Variants in SORD observed in about 807,000 individuals in gnomAD.
The protein encoded by SORD is sorbitol dehydrogenase.
In SORD, 18 loss-of-function variants were observed where a neutral mutation model predicts 35.6. That is an observed-to-expected ratio of 0.51 (90% CI 0.35 to 0.75). SORD has a LOEUF of 0.75. SORD is among the 30% of genes least tolerant of loss of function. The pLI is 0.01. For synonymous variants in SORD, 106 were observed against 152.9 expected (o/e 0.69, Z 2.26); for missense variants, 250 against 390.2 (o/e 0.64, Z 3.03).
At chr15:45,051,888 T>C (rs2470658) in intron 3 of SORD, among the ~76,000 whole-genome samples, 128,813 of 152,158 alleles carry the variant, frequency 0.85, 54,703 homozygotes, top group Middle Eastern at 0.91. Flanking sequence ...GCTCAATTTA[T>C]GTAAAAAACA....
At chr15:45,054,185 G>T (rs1346453806) in intron 3 of SORD, among the ~76,000 whole-genome samples, 2 of 152,200 alleles carry the variant, frequency 1.3e-5, no homozygotes, top group Admixed American at 6.5e-5. Flanking sequence ...AGGTCAAATG[G>T]TATTTCTAGT....
chr15:45,069,879 C>A (rs1354275645), intron 7 of SORD: 1 of 152,180 alleles, frequency 6.6e-6, no homozygotes, highest in Non-Finnish European at 1.5e-5. Flanking sequence ...AGATAAGCTG[C>A]CAGTGCCCGA....
chr15:45,035,690 C>G (rs1376330080), intron 1 of SORD, among the ~76,000 whole-genome samples: 2 of 152,226 alleles, frequency 1.3e-5, no homozygotes, highest in Admixed American at 1.3e-4. Context: ...TTTGCTACTG[C>G]TCACTCTTTG....
At chr15:45,059,976 G>C (rs893313929) in intron 3 of SORD, among the ~76,000 whole-genome samples, 2 of 152,190 alleles carry the variant, frequency 1.3e-5, no homozygotes, top group Non-Finnish European at 2.9e-5. Flanking sequence ...ATGGGGCTGG[G>C]GATTGACTGG....
Position 45,065,369 on chromosome 15 carries a change from A to G in SORD, c.524A>G (p.Lys175Arg). The G allele has an allele frequency of 6.2e-7, 1 of 1,612,982 alleles. No homozygotes were observed. The highest frequency in any genetic ancestry group is 8.5e-7 in the Non-Finnish European group (1 of 1,179,470). The change falls in exon 5 of 9, where the codon AAG becomes AGG. Residue 175 changes from lysine to arginine, a missense_variant. Around this residue, in one of 8 missense-constraint regions of SORD, gnomAD observed 126 missense variants for 148.7 expected, o/e 0.85. Transcript: ENST00000267814. ...CRRGGVTLGH[K>R]VLVCGAGPIG... Reference sequence around the variant, plus strand: ...AGAGGCGGAGTTACCCTGGGACACAAGGTCCTTGTGTGTGGAGCTGGTAAG... The same window carrying G: ...AGAGGCGGAGTTACCCTGGGACACAGGGTCCTTGTGTGTGGAGCTGGTAAG...
At chr15:45,063,750 C>T (rs1419009420) in intron 4 of SORD, among the ~76,000 whole-genome samples, 2 of 152,196 alleles carry the variant, frequency 1.3e-5, no homozygotes, top group East Asian at 1.9e-4. Context: ...GAAGGGCAGG[C>T]GTGTCTAGGA....
At chr15:45,025,026 AC>A (rs1208397416) in intron 1 of SORD, among the ~76,000 whole-genome samples, 1 of 152,218 alleles carries the variant, frequency 6.6e-6, no homozygotes, top group Non-Finnish European at 1.5e-5. Flanking sequence ...GACTACCTCT[AC>A]TATGGTTCCG....
chr15:45,061,274 A>T, intron 4 of SORD, 48 bp downstream of exon 4: 2 of 1,594,834 alleles, frequency 1.3e-6, no homozygotes, highest in African/African-American at 1.3e-5. Context: ...CTTTCCCTTC[A>T]TTAGCTTGGT....
Position 45,058,020 on chromosome 15 carries a change from G to A in SORD, c.266-3047G>A, listed in dbSNP as rs537120494. On this transcript the variant is annotated intron_variant, in intron 3 of 8. Coordinates refer to ENST00000267814, the MANE Select transcript of SORD (RefSeq NM_003104.6). The stretch of plus-strand genomic sequence containing the variant: ...AGCAATTCTTTGAGTTACTTTCCTG[G>A]TTACTAAGGCACTGGCTGATTCTAT... Among the ~76,000 whole-genome samples, 41 of 152,290 alleles carry A rather than the reference G, an allele frequency of 2.7e-4. 1 individual carries two copies. Among genetic ancestry groups the A allele is most frequent in the Non-Finnish European group, 7.4e-5 (5 of 68,026 alleles).
rs535669510 is a variant in SORD at position 45,061,099 on chromosome 15, C to T, written c.298C>T (p.Arg100Ter). ...DRVAIEPGAPRENDEFCKMGR... is the reference protein window; with the variant it reads ...DRVAIEPGAP ...TGTTGCCATCGAGCCTGGTGCTCCC[C>T]GAGAAAATGATGAATTCTGCAAGAT... Residue 100 changes from arginine (R) to a stop codon, truncating the protein, a stop_gained, in exon 4 of 9, where the codon CGA (arginine) becomes TGA (stop). Coordinates refer to ENST00000267814, the MANE Select transcript of SORD (RefSeq NM_003104.6). LOFTEE classifies it high-confidence loss of function. The T allele has an allele frequency of 5.6e-5, 90 of 1,614,132 alleles. 1 individual carries two copies. In the Admixed American group the frequency reaches 9.3e-4, roughly 17 times the overall value.
intron 1 of SORD, among the ~76,000 whole-genome samples, chr15:45,024,393 A>C (rs114887675): frequency 0.011 from 1,644 of 152,310 alleles, 22 homozygotes; most frequent in African/African-American, 0.038. Context: ...ACAATTTCAG[A>C]CTGCTCAAGG....
intron 3 of SORD, among the ~76,000 whole-genome samples, chr15:45,059,086 T>A (rs1893261920): frequency 6.6e-6 from 1 of 152,192 alleles, no homozygotes; most frequent in South Asian, 2.1e-4. Flanking sequence ...TATCTGTGCC[T>A]GTAGCTTGAT....
chr15:45,048,892 G>T (rs1893085695), intron 3 of SORD, among the ~76,000 whole-genome samples: 2 of 152,176 alleles, frequency 1.3e-5, no homozygotes, highest in Non-Finnish European at 1.5e-5. Flanking sequence ...TCCCTTATCT[G>T]TGTAGCTGCG....
chr15:45,039,481 C>T (rs1253729164), intron 1 of SORD, among the ~76,000 whole-genome samples: 2 of 152,178 alleles, frequency 1.3e-5, no homozygotes, highest in African/African-American at 2.4e-5. Context: ...TGGATTTGGC[C>T]ACTCAGTGGC....
At position 45,055,829 on chromosome 15, in the gene SORD, T is replaced by G. The variant is rs1483646895; in HGVS notation, c.266-5238T>G. Among the ~76,000 whole-genome samples the G allele has an allele frequency of 4.6e-5, 7 of 151,942 alleles. No homozygotes were observed. In the East Asian group the frequency reaches 1.3e-3, roughly 29 times the overall value. ...CTTCATCCCTGGGATGCAAGGCTGG[T>G]TCAATATACGCAAATCAATAAATGT... On this transcript the variant is annotated intron_variant, in intron 3 of 8. Coordinates refer to ENST00000267814, the MANE Select transcript of SORD (RefSeq NM_003104.6).
intron 4 of SORD, among the ~76,000 whole-genome samples, chr15:45,062,992 T>C (rs1404191865): frequency 6.7e-6 from 1 of 148,528 alleles, no homozygotes. Context: ...AGTCATGGCC[T>C]AGTGGTCTGG....
Position 45,065,453 on chromosome 15 carries a change from A to G in SORD, c.544+64A>G, listed in dbSNP as rs139996368. On this transcript the variant is annotated intron_variant, in intron 5 of 8. Coordinates refer to ENST00000267814, the MANE Select transcript of SORD (RefSeq NM_003104.6). ...TGGGAATTCAGGGAACCCTCTGCCC[A>G]TCTCATTCCCCCTCCAAGGCTTGAG... 943 of 1,539,256 alleles carry G rather than the reference A, an allele frequency of 6.1e-4. 4 individuals are homozygous for G. The African/African-American group carries it at 0.012, about 19-fold the overall frequency.
chr15:45,061,331 A>G (rs1173018629), intron 4 of SORD, 105 bp downstream of exon 4: 2 of 1,277,280 alleles, frequency 1.6e-6, no homozygotes, highest in Non-Finnish European at 2.2e-6. Context: ...TCATAATTCC[A>G]AACATGAGGC....
chr15:45,028,114 C>T (rs1190901242), intron 1 of SORD, among the ~76,000 whole-genome samples: 2 of 152,202 alleles, frequency 1.3e-5, no homozygotes, highest in African/African-American at 2.4e-5. Context: ...TCACTTGAGG[C>T]CAGGAGTTTG....
Sources: gnomAD v4.1 joint callset for allele counts (sites outside exome capture counted in the v4.1 genomes callset) on GRCh38, gnomAD v4.1.1 for gene constraint, gnomAD v4.1.1 regional missense constraint, MANE v1.5 for transcripts, NCBI Gene and HGNC (gene_info 2026-07-23, HGNC 2026-07-21) for gene names.